The following INIP variants were observed in gnomAD, a reference collection of about 807,000 sequenced individuals.
The protein encoded by INIP is SOSS complex subunit C.
Under a neutral mutation model 14.0 loss-of-function variants are expected in INIP, and 9 were observed. That is an observed-to-expected ratio of 0.64 (90% CI 0.39 to 1.12). The LOEUF is 1.12. INIP is among the 50% of genes most tolerant of loss of function. The pLI is 0.01. For synonymous variants in INIP, 37 were observed against 41.5 expected (o/e 0.89, Z 0.41); for missense variants, 78 against 122.7 (o/e 0.64, Z 1.72).
chr9:112,702,082 A>G (rs1037576941), intron 2 of INIP, among the ~76,000 whole-genome samples: 1 of 150,148 alleles, frequency 6.7e-6, no homozygotes, highest in Non-Finnish European at 1.5e-5. Context: ...ATATACACAT[A>G]CACACACACA....
rs1348086985 is a variant in INIP at position 112,695,756 on chromosome 9, G to A, written c.26-1523C>T. ...AGAGGAAGAAGAGGAGGAAGAGGAGGAGTAGGAGGAAGGGAGAGGAGGAGG... is the reference window on the plus strand; with the variant it reads ...AGAGGAAGAAGAGGAGGAAGAGGAGAAGTAGGAGGAAGGGAGAGGAGGAGG... On this transcript the variant is annotated intron_variant, in intron 2 of 4. Coordinates refer to ENST00000374242, the MANE Select transcript of INIP (RefSeq NM_021218.3). Among the ~76,000 whole-genome samples the A allele has an allele frequency of 2.2e-5, 3 of 139,068 alleles. No homozygotes were observed. In the East Asian group the frequency reaches 7.3e-4, roughly 34 times the overall value. The allele number at this position is 139,068 out of a possible 152,430, so 91.2% of individuals were successfully genotyped here.
intron 2 of INIP, among the ~76,000 whole-genome samples, chr9:112,710,870 A>G (rs1448698099): frequency 6.6e-6 from 1 of 152,218 alleles, no homozygotes; most frequent in Admixed American, 6.5e-5. Context: ...GAAATGATTT[A>G]CTACAGAAAG....
rs142998811 is a variant in INIP, at chr9:112,708,652, G to C, written c.25+7809C>G. Among the ~76,000 whole-genome samples, 374 of 152,204 alleles carry C rather than the reference G, an allele frequency of 2.5e-3. 5 individuals are homozygous for C. The highest frequency in any genetic ancestry group is 8.7e-3 in the African/African-American group (360 of 41,534). Reference sequence around the variant, plus strand: ...TATTTTCTTATGGATCTATAGGTCAGAGGTCTCACTGGGCTAAAATCAAGA... The same window carrying C: ...TATTTTCTTATGGATCTATAGGTCACAGGTCTCACTGGGCTAAAATCAAGA... On this transcript the variant is annotated intron_variant, in intron 2 of 4. Transcript: ENST00000374242.
intron 2 of INIP, among the ~76,000 whole-genome samples, chr9:112,711,044 C>T (rs2131313570): frequency 6.6e-6 from 1 of 151,220 alleles, no homozygotes; most frequent in African/African-American, 2.4e-5. Flanking sequence ...AAAAATTAGC[C>T]AGGCGTGGTA....
intron 2 of INIP, among the ~76,000 whole-genome samples, chr9:112,695,825 GAAGAAGGAGAAGAAGGAGA>G (rs1838067844): frequency 7.4e-5 from 11 of 148,886 alleles, no homozygotes; most frequent in African/African-American, 2.8e-4. Context: ...AGAAGGAGAA[GAAGAAGGAGAAGAAGGAGA>G]AGAAGAAGGA....
chr9:112,687,459 C>A lies in INIP; in HGVS notation c.*79G>T. The A allele has an allele frequency of 1.2e-6, 1 of 833,160 alleles. No individual in the cohort carries two copies. The highest frequency in any genetic ancestry group is 1.7e-5 in the South Asian group (1 of 60,122). The allele number at this position is 833,160 out of a possible 1,614,324, so 51.6% of individuals were successfully genotyped here. On this transcript the variant is annotated 3_prime_UTR_variant, in exon 5 of 5. Transcript: ENST00000374242. Reference sequence around the variant, plus strand: ...CAAAGTTCACCAAAATTCTTAAAGTCACAGTTCATGTAGCACTGAATGATA... The same window carrying A: ...CAAAGTTCACCAAAATTCTTAAAGTAACAGTTCATGTAGCACTGAATGATA...
intron 2 of INIP, among the ~76,000 whole-genome samples, chr9:112,705,250 CTT>C (rs1838422161): frequency 6.6e-6 from 1 of 151,298 alleles, no homozygotes; most frequent in African/African-American, 2.4e-5. Context: ...ATAATTGTAA[CTT>C]AAACTGGTAT....
At chr9:112,715,653 A>G (rs1838787376) in intron 2 of INIP, among the ~76,000 whole-genome samples, 1 of 151,964 alleles carries the variant, frequency 6.6e-6, no homozygotes, top group Non-Finnish European at 1.5e-5. Context: ...TGTGCCTGTA[A>G]TCCCAGCTAC....
chr9:112,694,405 T>G (rs577191305), intron 2 of INIP, among the ~76,000 whole-genome samples, 172 bp from the exon 3 acceptor site: 10 of 152,332 alleles, frequency 6.6e-5, no homozygotes, highest in African/African-American at 2.2e-4. Context: ...ACTTCTTCCC[T>G]CCTACTTCCC....
Position 112,716,549 on chromosome 9 carries a change from A to G in INIP, c.-56-8T>C. 7.3e-7 allele frequency: 1 copy of G among 1,363,444 alleles called. No homozygotes were observed. The highest frequency in any genetic ancestry group is 1.1e-6 in the Non-Finnish European group (1 of 951,374). 84.5% of individuals were successfully genotyped at this position (1,363,444 alleles called of 1,614,324 possible). ...TCAGCACTTCACAATCACCTATAAA[A>G]TATGTGTACACACATATACAATGCA... On this transcript the variant is annotated splice_region_variant and splice_polypyrimidine_tract_variant and intron_variant, in intron 1 of 4. Coordinates refer to ENST00000374242, the MANE Select transcript of INIP (RefSeq NM_021218.3).
At chr9:112,691,504 G>GT (rs1564223402) in intron 3 of INIP, among the ~76,000 whole-genome samples, 1 of 152,178 alleles carries the variant, frequency 6.6e-6, no homozygotes, top group East Asian at 1.9e-4. Context: ...CTGCAAATGC[G>GT]TAAGTGATTA....
intron 2 of INIP, among the ~76,000 whole-genome samples, chr9:112,695,729 G>A (rs1232897315): frequency 1.5e-5 from 2 of 136,586 alleles, no homozygotes; most frequent in African/African-American, 5.4e-5. Flanking sequence ...TAAAAAAGAA[G>A]AAGAGGAAGA....
intron 2 of INIP, among the ~76,000 whole-genome samples, chr9:112,695,255 G>GAAAAAAAAAAAAAAAAA (rs60657759): frequency 1.1e-4 from 7 of 64,690 alleles, no homozygotes; most frequent in African/African-American, 2.4e-4. Context: ...CAGAACTACA[G>GAAAAAAAAAAAAAAAAA]AAAAAAAAAA....
intron 2 of INIP, among the ~76,000 whole-genome samples, chr9:112,710,595 T>C (rs1055976143): frequency 6.6e-6 from 1 of 152,182 alleles, no homozygotes; most frequent in African/African-American, 2.4e-5. Flanking sequence ...CTGCAGTGAC[T>C]GTCAAGGGCG....
intron 2 of INIP, among the ~76,000 whole-genome samples, chr9:112,703,936 T>C (rs896553956): frequency 1.3e-5 from 2 of 152,184 alleles, no homozygotes; most frequent in Non-Finnish European, 2.9e-5. Context: ...CATAAAAAGA[T>C]AGTTGTAAAA....
intron 2 of INIP, among the ~76,000 whole-genome samples, chr9:112,707,288 T>G (rs1303829558): frequency 6.6e-6 from 1 of 151,044 alleles, no homozygotes; most frequent in East Asian, 1.9e-4. Context: ...TATCCCTTTA[T>G]AACTAACCTT....
intron 3 of INIP, among the ~76,000 whole-genome samples, chr9:112,690,357 T>C (rs1837840038): frequency 6.6e-6 from 1 of 152,174 alleles, no homozygotes; most frequent in Non-Finnish European, 1.5e-5. Flanking sequence ...TATGGTGGCA[T>C]GTGCCTGCGA....
At chr9:112,696,529 C>T (rs1838102241) in intron 2 of INIP, among the ~76,000 whole-genome samples, 1 of 152,206 alleles carries the variant, frequency 6.6e-6, no homozygotes, top group African/African-American at 2.4e-5. Context: ...TGGACACCAG[C>T]TGAGTGTCCT....
intron 2 of INIP, among the ~76,000 whole-genome samples, chr9:112,704,637 T>A (rs995543262): frequency 2.6e-5 from 4 of 152,198 alleles, no homozygotes; most frequent in Non-Finnish European, 5.9e-5. Flanking sequence ...AAACCTTGTG[T>A]TTTAATTAAG....
Sources: allele counts gnomAD v4.1 joint callset (sites outside exome capture counted in the v4.1 genomes callset), GRCh38; gene constraint gnomAD v4.1.1; transcripts MANE v1.5; gene names NCBI Gene and HGNC (gene_info 2026-07-23, HGNC 2026-07-21).